The following CILK1 variants were observed in gnomAD, a reference collection of about 807,000 sequenced individuals.
CILK1 encodes the protein ciliogenesis associated kinase 1, also known as serine/threonine-protein kinase ICK.
CILK1 carries 47 observed loss-of-function variants against 79.2 expected under a neutral mutation model. That is an observed-to-expected ratio of 0.59 (90% CI 0.47 to 0.76). The LOEUF (loss-of-function observed/expected upper bound fraction) is 0.76. Ranked by LOEUF, CILK1 falls within the 30% of genes least tolerant of loss-of-function variation. The pLI, the probability that CILK1 is intolerant of heterozygous loss-of-function variation, is 0.00. For synonymous variants in CILK1, 266 were observed against 275.9 expected, an observed-to-expected ratio of 0.96 and a Z score of 0.36; for missense variants, 660 against 769.5, an observed-to-expected ratio of 0.86 and a Z score of 1.68.
intron 1 of CILK1, among the ~76,000 whole-genome samples, chr6:53,059,451 G>A (rs1768230042): frequency 6.6e-6 from 1 of 152,198 alleles, no homozygotes. Context: ...GGGCTAACAA[G>A]CAAGTATCTT....
chr6:53,043,822 G>GC (rs1562038654), intron 1 of CILK1, among the ~76,000 whole-genome samples: 3 of 151,730 alleles, frequency 2.0e-5, no homozygotes, highest in Admixed American at 1.3e-4. Context: ...TTTCAAGTAT[G>GC]TGGAGGGGAA....
chr6:53,020,819 C>G (rs966429702), intron 5 of CILK1, among the ~76,000 whole-genome samples: 1 of 152,186 alleles, frequency 6.6e-6, no homozygotes, highest in Non-Finnish European at 1.5e-5. Flanking sequence ...TTCTAATGTG[C>G]CTTCTCTACC....
At chr6:53,020,069 A>G (rs1765141426) in intron 5 of CILK1, among the ~76,000 whole-genome samples, 1 of 152,228 alleles carries the variant, frequency 6.6e-6, no homozygotes, top group Admixed American at 6.5e-5. Flanking sequence ...ACCTACTCAT[A>G]TCTGAGATTG....
In CILK1 at chr6:53,032,629, T is replaced by C. The variant is rs769604481; in HGVS notation, c.182A>G (p.Asn61Ser). The change falls in exon 4 of 14, where the codon AAT becomes AGT. Residue 61 changes from asparagine to serine, a missense_variant. Physicochemically the swap from Asn to Ser is conservative, Grantham distance 46 (BLOSUM62 1). Coordinates refer to ENST00000676107, the MANE Select transcript of CILK1 (RefSeq NM_014920.5). Reference protein sequence around the residue: ...VKSLKKLNHANVVKLKEVIRE... With the variant: ...VKSLKKLNHASVVKLKEVIRE... ...GATAACTTCTTTTAATTTGACTACA[T>C]TGGCATGGTTGAGCTTCTTTAAAGA... 6.2e-6 allele frequency: 10 copies of C among 1,606,372 alleles called. No individual in the cohort carries two copies. The highest frequency in any genetic ancestry group is 1.1e-5 in the South Asian group (1 of 90,558).
intron 11 of CILK1, among the ~76,000 whole-genome samples, chr6:53,009,896 T>C (rs1303237095): frequency 6.6e-6 from 1 of 152,128 alleles, no homozygotes; most frequent in African/African-American, 2.4e-5. Flanking sequence ...CCTTTTCAGT[T>C]TCTTCTCCAT....
In CILK1 at chr6:53,018,520, A is replaced by G; in HGVS notation, c.492-19T>C. 1 of 1,612,778 alleles carries G rather than the reference A, an allele frequency of 6.2e-7. No homozygotes were observed. The highest frequency in any genetic ancestry group is 8.5e-7 in the Non-Finnish European group (1 of 1,178,822). On this transcript the variant is annotated intron_variant, in intron 6 of 13. Coordinates refer to ENST00000676107, the MANE Select transcript of CILK1 (RefSeq NM_014920.5). Reference sequence around the variant, plus strand: ...CCTGTACCTGGAGGAACAAAGGTTAACTGCTAGCTATTGCTTCCACCACTC... The same window carrying G: ...CCTGTACCTGGAGGAACAAAGGTTAGCTGCTAGCTATTGCTTCCACCACTC...
At chr6:53,044,722 G>GT (rs965050220) in intron 1 of CILK1, among the ~76,000 whole-genome samples, 2 of 152,106 alleles carry the variant, frequency 1.3e-5, no homozygotes, top group African/African-American at 4.8e-5. Flanking sequence ...CTATGGAAAG[G>GT]TAATTAGGCT....
chr6:53,057,947 G>A (rs552324947), intron 1 of CILK1: 1 of 152,198 alleles, frequency 6.6e-6, no homozygotes, highest in African/African-American at 2.4e-5. Flanking sequence ...AAAAAGGGGG[G>A]AGCAGATGTT....
At chr6:53,022,297 T>C (rs1205861871) in intron 5 of CILK1, among the ~76,000 whole-genome samples, 1 of 152,234 alleles carries the variant, frequency 6.6e-6, no homozygotes, top group Non-Finnish European at 1.5e-5. Context: ...CCCAGAGCCA[T>C]TTCCTGCAAG....
At chr6:53,008,313 G>T (rs1764356351) in intron 12 of CILK1, among the ~76,000 whole-genome samples, 1 of 151,862 alleles carries the variant, frequency 6.6e-6, no homozygotes, top group Non-Finnish European at 1.5e-5. Context: ...ACACTATGAA[G>T]TTTATACAAA....
intron 3 of CILK1, among the ~76,000 whole-genome samples, chr6:53,034,218 A>T (rs1196931982): frequency 1.3e-5 from 2 of 152,168 alleles, no homozygotes; most frequent in Admixed American, 1.3e-4. Context: ...CCTGGGAGAG[A>T]ATTCTAGGCA....
intron 1 of CILK1, among the ~76,000 whole-genome samples, chr6:53,047,866 T>C (rs1581758334): frequency 6.6e-6 from 1 of 152,086 alleles, no homozygotes; most frequent in East Asian, 1.9e-4. Flanking sequence ...TTGTGTTATT[T>C]GGACAATGTA....
At position 53,031,119 on chromosome 6, in the gene CILK1, T is replaced by G. The variant is rs748539319; in HGVS notation, c.304A>C (p.Ile102Leu). The change falls in exon 5 of 14, where the codon ATA (isoleucine) becomes CTA (leucine). Residue 102 changes from isoleucine (I) to leucine (L), a missense_variant. Physicochemically the swap from Ile to Leu is conservative, Grantham distance 5. Coordinates refer to ENST00000676107, the MANE Select transcript of CILK1 (RefSeq NM_014920.5). ...AATATCTGATACATGATATTCCTTA[T>G]AGCAGACTCAGGAAACAACTTATTT... is the stretch of plus-strand genomic sequence containing the variant. ...ERNKLFPESA[I>L]RNIMYQILQG... 10 of 1,609,276 alleles carry G rather than the reference T, an allele frequency of 6.2e-6. No homozygotes were observed. The highest frequency in any genetic ancestry group is 1.6e-4 in the Middle Eastern group (1 of 6,078).
intron 5 of CILK1, among the ~76,000 whole-genome samples, chr6:53,021,157 A>G (rs183058272): frequency 6.6e-6 from 1 of 152,262 alleles, no homozygotes; most frequent in South Asian, 2.1e-4. Flanking sequence ...CACCATCTCT[A>G]CTAAAAATAT....
chr6:53,059,245 AT>A (rs1768210592), intron 1 of CILK1, among the ~76,000 whole-genome samples: 1 of 152,124 alleles, frequency 6.6e-6, no homozygotes, highest in South Asian at 2.1e-4. Context: ...CATTTTCCCT[AT>A]TTTGCACATG....
In CILK1 at chr6:53,032,307, A is replaced by G. The variant is rs893241745; in HGVS notation, c.278+226T>C. Among the ~76,000 whole-genome samples, 4 of 152,196 alleles carry G rather than the reference A, an allele frequency of 2.6e-5. No homozygotes were observed. The East Asian group carries it at 7.7e-4, about 29-fold the overall frequency. On this transcript the variant is annotated intron_variant, in intron 4 of 13. Transcript: ENST00000676107. Reference sequence around the variant, plus strand: ...TTGGAGAAAAAATCAGAATAATGCAATAAGAAAAGAAAAGCACACCAGCAT... The same window carrying G: ...TTGGAGAAAAAATCAGAATAATGCAGTAAGAAAAGAAAAGCACACCAGCAT...
chr6:53,054,525 C>A (rs1767713867), intron 1 of CILK1: 1 of 152,230 alleles, frequency 6.6e-6, no homozygotes, highest in Non-Finnish European at 1.5e-5. Flanking sequence ...TTGGGCCCAA[C>A]TAAAAGTTCT....
At chr6:53,011,958 G>A in intron 10 of CILK1, 41 bp from the exon 11 acceptor site, 1 of 1,614,000 alleles carries the variant, frequency 6.2e-7, no homozygotes, top group Non-Finnish European at 8.5e-7. Flanking sequence ...ACGAGAGACA[G>A]TATGTATTCT....
intron 2 of CILK1, 148 bp downstream of exon 2, chr6:53,040,988 A>G (rs1766667318): frequency 1.4e-5 from 10 of 703,398 alleles, no homozygotes; most frequent in South Asian, 1.2e-4. Flanking sequence ...CATGAGTGTT[A>G]CAGAGTCAAT....
Sources: gnomAD v4.1 joint callset for allele counts (sites outside exome capture counted in the v4.1 genomes callset) on GRCh38, gnomAD v4.1.1 for gene constraint, MANE v1.5 for transcripts, NCBI Gene and HGNC (gene_info 2026-07-23, HGNC 2026-07-21) for gene names.